The following CHDH variants were observed in gnomAD, a reference collection of about 807,000 sequenced individuals.
CHDH encodes choline dehydrogenase, mitochondrial.
In CHDH, 43 loss-of-function variants were observed where a neutral mutation model predicts 56.9. That is an observed-to-expected ratio of 0.76 (90% CI 0.59 to 0.97). The LOEUF (loss-of-function observed/expected upper bound fraction) is 0.97. CHDH is among the 50% of genes least tolerant of loss of function. CHDH has a pLI of 0.00. For missense variants in CHDH, 816 were observed against 821.1 expected, an observed-to-expected ratio of 0.99 and a Z score of 0.08; for synonymous variants, 364 against 348.5, an observed-to-expected ratio of 1.04 and a Z score of -0.50.
chr3:53,843,979 T>G (rs528700712), intron 1 of CHDH, among the ~76,000 whole-genome samples: 23 of 152,330 alleles, frequency 1.5e-4, no homozygotes, highest in Admixed American at 1.1e-3. Context: ...CAGGGCCACT[T>G]GAGGCATGGC....
At chr3:53,838,293 C>T (rs996507971) in intron 2 of CHDH, among the ~76,000 whole-genome samples, 1 of 152,190 alleles carries the variant, frequency 6.6e-6, no homozygotes, top group Admixed American at 6.5e-5. Context: ...TGGGGAGACC[C>T]GAATCCCTTA....
chr3:53,821,543 CACTG>C, intron 5 of CHDH, 100 bp downstream of exon 5: 1 of 1,013,420 alleles, frequency 9.9e-7, no homozygotes, highest in Non-Finnish European at 1.5e-6. Flanking sequence ...TTCCAAGGAT[CACTG>C]ACTGCCACCA....
rs1334913840 is a variant in CHDH, at chr3:53,817,941, TGAGGTTTTCCACCCC to T, written c.1606_1620del (p.Gly536_Leu540del). On this transcript the variant is annotated inframe_deletion, in exon 9 of 9. Coordinates refer to ENST00000315251, the MANE Select transcript of CHDH (RefSeq NM_018397.5). The stretch of plus-strand genomic sequence containing the variant: ...GGCATGATGGAGGCATCGACGACCC[TGAGGTTTTCCACCCC>T]GAGGACCCTTGTCTGCGGATCCACC... 3 of 1,614,184 alleles carry T rather than the reference TGAGGTTTTCCACCCC, an allele frequency of 1.9e-6. No individual in the cohort carries two copies. The South Asian group carries it at 3.3e-5, about 18-fold the overall frequency.
At chr3:53,845,239 GC>G (rs1227951351) in intron 1 of CHDH, among the ~76,000 whole-genome samples, 1 of 152,164 alleles carries the variant, frequency 6.6e-6, no homozygotes, top group African/African-American at 2.4e-5. Context: ...GCATGCCAGA[GC>G]CCAAACCCCT....
chr3:53,817,530 C>T lies in CHDH; in HGVS notation c.*247G>A, dbSNP rs955839313. The T allele has an allele frequency of 1.4e-5, 7 of 513,694 alleles. No homozygotes were observed. The highest frequency in any genetic ancestry group is 2.0e-5 in the Non-Finnish European group (6 of 293,966). 31.8% of individuals were successfully genotyped at this position (513,694 alleles called of 1,614,324 possible). A position where few individuals can be genotyped will look rare whatever the true frequency, so the allele number is the denominator to read the frequency against. ...TGTCCCTCCAGGAGGCAGGGAGGAA[C>T]ATCTCAGGCTGAATGCTGGCCTTCC... On this transcript the variant is annotated 3_prime_UTR_variant, in exon 9 of 9. Transcript: ENST00000315251.
intron 1 of CHDH, among the ~76,000 whole-genome samples, chr3:53,842,902 C>T (rs1012351597): frequency 2.6e-5 from 4 of 152,198 alleles, no homozygotes. Context: ...CTCCGGCTCA[C>T]CACCAGGGGC....
At chr3:53,829,219 C>T (rs949517846) in intron 2 of CHDH, among the ~76,000 whole-genome samples, 3 of 152,070 alleles carry the variant, frequency 2.0e-5, no homozygotes, top group African/African-American at 4.8e-5. Flanking sequence ...GACAGTAAAA[C>T]GATCAGTGGT....
At chr3:53,825,862 A>G (rs928122211) in intron 2 of CHDH, among the ~76,000 whole-genome samples, 1 of 152,166 alleles carries the variant, frequency 6.6e-6, no homozygotes, top group Non-Finnish European at 1.5e-5. Context: ...AGGAATAAAT[A>G]TAACAATGAC....
chr3:53,824,379 G>A lies in CHDH; in HGVS notation c.-59-312C>T, dbSNP rs1232128111. Among the ~76,000 whole-genome samples the A allele has an allele frequency of 2.0e-5, 3 of 152,220 alleles. No homozygotes were observed. The South Asian group carries it at 6.2e-4, about 32-fold the overall frequency. On this transcript the variant is annotated intron_variant, in intron 2 of 8. Transcript: ENST00000315251. ...CCTGCTGGAAGGCAGGGGGGCAAAGGGCTTTCCAAGGGAGAAAGAAAACAG... is the reference window on the plus strand; with the variant it reads ...CCTGCTGGAAGGCAGGGGGGCAAAGAGCTTTCCAAGGGAGAAAGAAAACAG...
chr3:53,820,828 C>T (rs1440592052), intron 5 of CHDH, among the ~76,000 whole-genome samples: 1 of 152,262 alleles, frequency 6.6e-6, no homozygotes, highest in African/African-American at 2.4e-5. Context: ...GCCACCTGTC[C>T]TTGTCACTCA....
chr3:53,838,781 T>G (rs1022802394), intron 2 of CHDH, among the ~76,000 whole-genome samples: 1 of 152,174 alleles, frequency 6.6e-6, no homozygotes, highest in African/African-American at 2.4e-5. Flanking sequence ...CAATAAACGC[T>G]TGTCATGTGA....
intron 2 of CHDH, among the ~76,000 whole-genome samples, chr3:53,829,162 C>T (rs150888005): frequency 1.1e-3 from 170 of 152,084 alleles, no homozygotes; most frequent in Non-Finnish European, 2.5e-4. Flanking sequence ...GGCTACAAAC[C>T]GTATGAGTTC....
rs530059790 is a variant in CHDH, at chr3:53,843,069, A to G, written c.-130-2070T>C. Among the ~76,000 whole-genome samples, 452 of 152,306 alleles carry G rather than the reference A, an allele frequency of 3.0e-3. 2 individuals carry two copies. The highest frequency in any genetic ancestry group is 0.01 in the African/African-American group (428 of 41,584). ...GGCTGGACCCGCAGGACTTGTCAACAACCCTGATGGCCTTGTTCTCCCAGG... is the reference window on the plus strand; with the variant it reads ...GGCTGGACCCGCAGGACTTGTCAACGACCCTGATGGCCTTGTTCTCCCAGG... On this transcript the variant is annotated intron_variant, in intron 1 of 8. Transcript: ENST00000315251.
At chr3:53,828,458 T>C (rs1188666279) in intron 2 of CHDH, among the ~76,000 whole-genome samples, 3 of 152,320 alleles carry the variant, frequency 2.0e-5, no homozygotes, top group East Asian at 1.9e-4. Context: ...AGAGAATTAA[T>C]AGACAAGTCA....
chr3:53,829,265 A>G (rs769968752), intron 2 of CHDH, among the ~76,000 whole-genome samples: 4 of 152,224 alleles, frequency 2.6e-5, no homozygotes, highest in African/African-American at 4.8e-5. Flanking sequence ...CAGGCAGGCC[A>G]CAAAGGATTT....
Position 53,818,338 on chromosome 3 carries a change from C to A in CHDH, c.1367-143G>T, listed in dbSNP as rs141116198. On this transcript the variant is annotated intron_variant, in intron 8 of 8. Coordinates refer to ENST00000315251, the MANE Select transcript of CHDH (RefSeq NM_018397.5). Reference sequence around the variant, plus strand: ...AGTTCAGGGCCATGGGGGACTGAGCCAGCAGGCTGCTTGTCCCTGCCCACA... The same window carrying A: ...AGTTCAGGGCCATGGGGGACTGAGCAAGCAGGCTGCTTGTCCCTGCCCACA... 2.8e-4 allele frequency: 205 copies of A among 738,354 alleles called. 1 individual carries two copies. The African/African-American group carries it at 3.3e-3, about 12-fold the overall frequency. 45.7% of individuals were successfully genotyped at this position (738,354 alleles called of 1,614,324 possible).
Position 53,845,854 on chromosome 3 carries a change from T to A in CHDH, c.-131+229A>T, listed in dbSNP as rs530711608. On this transcript the variant is annotated intron_variant, in intron 1 of 8. Coordinates refer to ENST00000315251, the MANE Select transcript of CHDH (RefSeq NM_018397.5). ...CCTGGGGTCGGGCAGCGGGCACTCC[T>A]ACCGCTCTAACCCCGCGTAGCTGAA... 1.2e-3 allele frequency among the ~76,000 whole-genome samples: 190 copies of A among 152,342 alleles called. 2 individuals are homozygous for A. The highest frequency in any genetic ancestry group is 4.4e-3 in the African/African-American group (184 of 41,592).
intron 2 of CHDH, among the ~76,000 whole-genome samples, chr3:53,836,363 C>T (rs778470682): frequency 7.9e-5 from 12 of 152,250 alleles, no homozygotes; most frequent in Non-Finnish European, 1.6e-4. Flanking sequence ...AGCCATCATC[C>T]CACTGTGAGC....
chr3:53,843,188 CTT>C (rs10636132), intron 1 of CHDH, among the ~76,000 whole-genome samples: 5 of 125,178 alleles, frequency 4.0e-5, no homozygotes, highest in Non-Finnish European at 4.8e-5. Flanking sequence ...CCCCCCCCAC[CTT>C]TTTTTTTTTT....
Sources: allele counts gnomAD v4.1 joint callset (sites outside exome capture counted in the v4.1 genomes callset), GRCh38; gene constraint gnomAD v4.1.1; transcripts MANE v1.5; gene names NCBI Gene and HGNC (gene_info 2026-07-23, HGNC 2026-07-21).